Variants in ZNF322 observed in about 807,000 individuals in gnomAD.
ZNF322 encodes HLA complex group 12.
A neutral mutation model predicts 18.3 loss-of-function variants in ZNF322; 1 was observed. The ratio of observed to expected loss-of-function variants is 0.05; its 90% CI spans 0.02 to 0.26. ZNF322 has a LOEUF of 0.26. ZNF322 is among the 10% of genes least tolerant of loss of function. The pLI, the probability that ZNF322 is intolerant of heterozygous loss-of-function variation, is 1.00. For synonymous variants in ZNF322, 17 were observed against 130.7 expected (o/e 0.13, Z 5.93); for missense variants, 36 against 403.6 (o/e 0.09, Z 7.80).
intron 2 of ZNF322, among the ~76,000 whole-genome samples, chr6:26,654,261 CGT>C (rs1441421996): frequency 6.6e-6 from 1 of 151,932 alleles, no homozygotes; most frequent in South Asian, 2.1e-4. Context: ...AATAAAGAAA[CGT>C]ATATATGTGT....
chr6:26,643,768 G>C (rs2498380), intron 2 of ZNF322, 40 bp from the exon 3 acceptor site: 69,798 of 153,644 alleles, frequency 0.45, 16,234 homozygotes, highest in East Asian at 0.68. Context: ...CCATAAATGA[G>C]AGAATTTAGC....
intron 2 of ZNF322, among the ~76,000 whole-genome samples, chr6:26,644,183 C>A (rs1426136041): frequency 1.3e-5 from 2 of 152,188 alleles, no homozygotes; most frequent in Admixed American, 6.5e-5. Flanking sequence ...TTATAACACC[C>A]TAAGCTGATT....
intron 2 of ZNF322, among the ~76,000 whole-genome samples, chr6:26,649,699 A>ATTTT (rs1561924977): frequency 7.5e-5 from 5 of 66,598 alleles, no homozygotes; most frequent in Non-Finnish European, 1.0e-4. Flanking sequence ...ATATATATAT[A>ATTTT]TATTTTTTTT....
intron 2 of ZNF322, chr6:26,651,290 C>T (rs1190054126): frequency 6.8e-6 from 1 of 147,902 alleles, no homozygotes; most frequent in African/African-American, 2.5e-5. Flanking sequence ...TTTGCATCAA[C>T]ATAAATGAAC....
At chr6:26,656,660 TG>T (rs1397489963) in intron 2 of ZNF322, among the ~76,000 whole-genome samples, 1 of 152,032 alleles carries the variant, frequency 6.6e-6, no homozygotes, top group Non-Finnish European at 1.5e-5. Flanking sequence ...TGTTATAAGA[TG>T]GGGGGTTCAT....
chr6:26,639,439 G>T (rs1466568797), intron 3 of ZNF322, among the ~76,000 whole-genome samples: 2 of 152,078 alleles, frequency 1.3e-5, no homozygotes. Flanking sequence ...TCTAGGCTTG[G>T]AACATAGATT....
chr6:26,646,487 G>C (rs1376628800), intron 2 of ZNF322, among the ~76,000 whole-genome samples: 1 of 152,018 alleles, frequency 6.6e-6, no homozygotes, highest in Non-Finnish European at 1.5e-5. Flanking sequence ...CTAAAGTCAT[G>C]GTTATCTATG....
At chr6:26,642,624 A>G (rs73739039) in intron 3 of ZNF322, among the ~76,000 whole-genome samples, 3,045 of 152,314 alleles carry the variant, frequency 0.02, 65 homozygotes, top group African/African-American at 0.055. Flanking sequence ...ACAAGTCCAC[A>G]GTATACTCTG....
At position 26,657,815 on chromosome 6, in the gene ZNF322, C is replaced by T. The variant is rs1412083820; in HGVS notation, c.-246+743G>A. Among the ~76,000 whole-genome samples the T allele has an allele frequency of 3.3e-5, 5 of 152,198 alleles. No individual in the cohort carries two copies. The East Asian group carries it at 9.8e-4, about 30-fold the overall frequency. ...CTGGTTCATCTAGCAAGCCCAAATACATCTTTCAAGTCTTAGCTCCAGGGT... is the reference window on the plus strand; with the variant it reads ...CTGGTTCATCTAGCAAGCCCAAATATATCTTTCAAGTCTTAGCTCCAGGGT... On this transcript the variant is annotated intron_variant, in intron 2 of 3. Transcript: ENST00000415922.
chr6:26,655,402 A>G (rs1554149603), intron 2 of ZNF322, among the ~76,000 whole-genome samples: 1 of 152,202 alleles, frequency 6.6e-6, no homozygotes, highest in East Asian at 1.9e-4. Context: ...AGGCTTTCTC[A>G]ATTAGGGTTC....
chr6:26,659,561 C>A lies in ZNF322; in HGVS notation c.-455G>T, dbSNP rs1222184796. On this transcript the variant is annotated 5_prime_UTR_variant, in exon 1 of 4. Transcript: ENST00000415922. ...TGCGATAGTAGATCTAAGGGCCAGG[C>A]TTCGGGAAGGAAAGAAAAGCGAACC... 6.0e-6 allele frequency: 1 copy of A among 166,696 alleles called. No homozygotes were observed. The highest frequency in any genetic ancestry group is 1.5e-5 in the Non-Finnish European group (1 of 68,128). 10.3% of individuals were successfully genotyped at this position (166,696 alleles called of 1,614,324 possible).
chr6:26,642,334 G>A (rs1170455836), intron 3 of ZNF322, among the ~76,000 whole-genome samples: 1 of 152,158 alleles, frequency 6.6e-6, no homozygotes, highest in Non-Finnish European at 1.5e-5. Context: ...CAGTGCTGGT[G>A]CAGGTCCTCA....
intron 2 of ZNF322, among the ~76,000 whole-genome samples, chr6:26,649,602 C>CAT (rs1554148967): frequency 0.022 from 2,951 of 135,188 alleles, 110 homozygotes; most frequent in African/African-American, 0.053. Flanking sequence ...AAAATAAAAA[C>CAT]TTTTTTTAAA....
intron 2 of ZNF322, among the ~76,000 whole-genome samples, chr6:26,653,227 G>T (rs1554149377): frequency 2.0e-5 from 3 of 152,148 alleles, no homozygotes; most frequent in Non-Finnish European, 4.4e-5. Context: ...AATGCATTTT[G>T]CGGTCAACAC....
chr6:26,639,752 C>T (rs950710963), intron 3 of ZNF322, among the ~76,000 whole-genome samples: 1 of 152,126 alleles, frequency 6.6e-6, no homozygotes, highest in Non-Finnish European at 1.5e-5. Context: ...TCAGACCCCT[C>T]GTCTGTCACC....
At chr6:26,647,851 T>TA (rs1765583712) in intron 2 of ZNF322, among the ~76,000 whole-genome samples, 1 of 149,110 alleles carries the variant, frequency 6.7e-6, no homozygotes, top group South Asian at 2.1e-4. Flanking sequence ...GAAGAGAGCA[T>TA]AAAAAAATTT....
At chr6:26,647,341 G>A (rs1233619441) in intron 2 of ZNF322, among the ~76,000 whole-genome samples, 1 of 151,556 alleles carries the variant, frequency 6.6e-6, no homozygotes, top group African/African-American at 2.4e-5. Flanking sequence ...CAATGAACTA[G>A]AGAACAAAAA....
intron 2 of ZNF322, among the ~76,000 whole-genome samples, chr6:26,647,938 G>A (rs1765586170): frequency 6.6e-6 from 1 of 151,276 alleles, no homozygotes; most frequent in South Asian, 2.1e-4. Context: ...GAGAGCAGTG[G>A]CACAATCATA....
intron 2 of ZNF322, among the ~76,000 whole-genome samples, chr6:26,643,936 C>T (rs1765510455): frequency 6.6e-6 from 1 of 152,136 alleles, no homozygotes; most frequent in African/African-American, 2.4e-5. Context: ...ATCTATAACC[C>T]ATCTGCACAA....
Sources: gnomAD v4.1 joint callset for allele counts (sites outside exome capture counted in the v4.1 genomes callset) on GRCh38, gnomAD v4.1.1 for gene constraint, MANE v1.5 for transcripts, NCBI Gene and HGNC (gene_info 2026-07-23, HGNC 2026-07-21) for gene names.